The following ABLIM2 variants were observed in gnomAD, a reference collection of about 807,000 sequenced individuals.
ABLIM2 encodes actin-binding LIM protein 2.
In ABLIM2, 53 loss-of-function variants were observed where a neutral mutation model predicts 97.7. The observed-to-expected ratio is 0.54, with a 90% CI of 0.44 to 0.68. The LOEUF is 0.68. Ranked by LOEUF, ABLIM2 falls within the 30% of genes least tolerant of loss-of-function variation. The pLI is 0.00. For synonymous variants in ABLIM2, 361 were observed against 345.8 expected (o/e 1.04, Z -0.49); for missense variants, 835 against 867.2 (o/e 0.96, Z 0.47).
intron 6 of ABLIM2, among the ~76,000 whole-genome samples, chr4:8,074,499 A>T (rs1316230810): frequency 2.0e-5 from 3 of 152,142 alleles, no homozygotes; most frequent in Non-Finnish European, 4.4e-5. Context: ...CCACCTATCA[A>T]ATTGGCAAAG....
Position 8,082,312 on chromosome 4 carries a change from C to A in ABLIM2, c.455-1510G>T, listed in dbSNP as rs1339753291. On this transcript the variant is annotated intron_variant, in intron 4 of 20. Transcript: ENST00000447017. The surrounding 1 kb of genome is among the most constrained non-coding windows in gnomAD (Gnocchi z 5.6). ...ACTGAGCGTATTCCTCCTGCGGGAG[C>A]CCCCATTTCCTCATCGTGGGGTGGG... Among the ~76,000 whole-genome samples, 1 of 152,206 alleles carries A rather than the reference C, an allele frequency of 6.6e-6. No homozygotes were observed. Among genetic ancestry groups the A allele is most frequent in the Non-Finnish European group, 1.5e-5 (1 of 68,034 alleles).
intron 2 of ABLIM2, among the ~76,000 whole-genome samples, chr4:8,098,886 G>C (rs1050965937): frequency 2.0e-5 from 3 of 152,248 alleles, no homozygotes; most frequent in Admixed American, 2.0e-4. Flanking sequence ...CAAGGCCAGA[G>C]ATGCTGATTC....
chr4:8,019,687 G>C lies in ABLIM2; in HGVS notation c.1370-16C>G. ...ACGCCAGTGTCTGGGGAAGAAGAAA[G>C]AAAAAAAAGGAGAGAACAGGAGGGT... On this transcript the variant is annotated splice_polypyrimidine_tract_variant and intron_variant, in intron 13 of 20. Coordinates refer to ENST00000447017, the MANE Select transcript of ABLIM2 (RefSeq NM_001130083.2). The surrounding 1 kb of genome is among the most constrained non-coding windows in gnomAD (Gnocchi z 4.3). 6.2e-7 allele frequency: 1 copy of C among 1,600,240 alleles called. No individual in the cohort carries two copies.
intron 19 of ABLIM2, 62 bp from the exon 20 acceptor site, chr4:7,983,406 C>A: frequency 6.3e-7 from 1 of 1,586,020 alleles, no homozygotes; most frequent in Non-Finnish European, 8.6e-7. Flanking sequence ...CACCAAAGAA[C>A]TGAGCAGAAG....
At chr4:7,978,212 G>A (rs951080773) in intron 20 of ABLIM2, among the ~76,000 whole-genome samples, 1 of 152,152 alleles carries the variant, frequency 6.6e-6, no homozygotes, top group Non-Finnish European at 1.5e-5. Flanking sequence ...TCAGCCCGAG[G>A]CAGACAGGCA....
intron 10 of ABLIM2, among the ~76,000 whole-genome samples, chr4:8,035,050 G>T (rs1433210747): frequency 7.0e-6 from 1 of 143,754 alleles, no homozygotes; most frequent in Non-Finnish European, 1.5e-5. Context: ...GTGATGGGTG[G>T]TAGGTAGGTG....
intron 18 of ABLIM2, among the ~76,000 whole-genome samples, 169 bp downstream of exon 18, chr4:7,984,670 T>C (rs1742040675): frequency 6.6e-6 from 1 of 152,166 alleles, no homozygotes; most frequent in African/African-American, 2.4e-5. Context: ...AACTGACTTT[T>C]GGCCAGGAGA....
intron 1 of ABLIM2, among the ~76,000 whole-genome samples, chr4:8,136,847 G>C (rs1850261652): frequency 2.0e-5 from 3 of 152,246 alleles, no homozygotes; most frequent in African/African-American, 7.2e-5. Context: ...TCAGGCCTCA[G>C]GAAACCAAGT....
rs1723345636 is a variant in ABLIM2, at chr4:7,967,014, A to C, written c.1914T>G (p.Leu638=). 1 of 1,613,590 alleles carries C rather than the reference A, an allele frequency of 6.2e-7. No homozygotes were observed. Among genetic ancestry groups the C allele is most frequent in the African/African-American group, 1.3e-5 (1 of 74,926 alleles). The part of the protein sequence containing the change: ...DRLALWKRND[L]KKKALLF The stretch of plus-strand genomic sequence containing the variant: ...GTCAGAACAAAAGGGCTTTCTTCTT[A>C]AGGTCATTCCTCTTCCAGAGGGCCA... The change falls in exon 21 of 21, where the codon CTT becomes CTG. Residue 638 remains leucine, a synonymous_variant. Transcript: ENST00000447017.
Position 7,998,016 on chromosome 4 carries a change from G to A in ABLIM2, c.1619-5089C>T, listed in dbSNP as rs539181084. ...CCTGCCTCACCCTCCCTAGTAGCTGGGATTACAGGAATGTGCCACCATGCC... is the reference window on the plus strand; with the variant it reads ...CCTGCCTCACCCTCCCTAGTAGCTGAGATTACAGGAATGTGCCACCATGCC... On this transcript the variant is annotated intron_variant, in intron 16 of 20. Coordinates refer to ENST00000447017, the MANE Select transcript of ABLIM2 (RefSeq NM_001130083.2). The surrounding 1 kb of genome is among the most constrained non-coding windows in gnomAD (Gnocchi z 6.4). Among the ~76,000 whole-genome samples the A allele has an allele frequency of 1.3e-5, 2 of 151,992 alleles. No homozygotes were observed. Among genetic ancestry groups the A allele is most frequent in the South Asian group, 4.2e-4 (2 of 4,794 alleles).
chr4:8,029,707 G>T lies in ABLIM2; in HGVS notation c.1117C>A (p.Leu373Ile). ...SSPSSTGSVS[L>I]GRYTPTSRSP... Reference sequence around the variant, plus strand: ...CGTGAGGTCGGAGTGTAGCGCCCGAGGCTAACCGACCCAGTGGAGCTTGGG... The same window carrying T: ...CGTGAGGTCGGAGTGTAGCGCCCGATGCTAACCGACCCAGTGGAGCTTGGG... The change falls in exon 11 of 21, where the codon CTC becomes ATC. Residue 373 changes from leucine to isoleucine, a missense_variant. Leu to Ile is a conservative substitution (Grantham distance 5). Transcript: ENST00000447017. 6.4e-7 allele frequency: 1 copy of T among 1,552,218 alleles called. No individual in the cohort carries two copies.
At chr4:8,018,278 C>G (rs1770974500) in intron 14 of ABLIM2, among the ~76,000 whole-genome samples, 1 of 152,202 alleles carries the variant, frequency 6.6e-6, no homozygotes, top group South Asian at 2.1e-4. Flanking sequence ...GTAGCCCCAC[C>G]AGCACAGAAT....
rs568118987 is a variant in ABLIM2, at chr4:8,028,271, C to T, written c.1169-414G>A. Among the ~76,000 whole-genome samples the T allele has an allele frequency of 1.2e-4, 19 of 152,352 alleles. 1 individual carries two copies. The South Asian group carries it at 3.5e-3, about 28-fold the overall frequency. On this transcript the variant is annotated intron_variant, in intron 11 of 20. Transcript: ENST00000447017. ...GGCTCTTGGGTTAGCCTGGGCCAAGCGCAGTCAACAAGCCCAGGCTGTCCT... is the reference window on the plus strand; with the variant it reads ...GGCTCTTGGGTTAGCCTGGGCCAAGTGCAGTCAACAAGCCCAGGCTGTCCT...
At chr4:8,133,448 T>A (rs933742710) in intron 1 of ABLIM2, among the ~76,000 whole-genome samples, 2 of 152,126 alleles carry the variant, frequency 1.3e-5, no homozygotes, top group African/African-American at 2.4e-5. Flanking sequence ...CCGGTCCATA[T>A]CTCTCCTGGT....
Position 8,127,655 on chromosome 4 carries a change from A to G in ABLIM2, c.11-21018T>C, listed in dbSNP as rs13143332. On this transcript the variant is annotated intron_variant, in intron 1 of 20. Transcript: ENST00000447017. This position sits in a 1 kb window ranked among gnomAD's most constrained non-coding sequence, Gnocchi z 7.3. ...GCCTGGCACCCACGGAGGATCGGGC[A>G]GGAGTGGACCGGGGAAGAGCCTCTG... is the stretch of plus-strand genomic sequence containing the variant. 0.57 allele frequency: 738,113 copies of G among 1,283,976 alleles called. 215,270 individuals carry two copies. Among genetic ancestry groups the G allele is most frequent in the East Asian group, 0.63 (11,285 of 17,834 alleles). The allele number at this position is 1,283,976 out of a possible 1,614,324, so 79.5% of individuals were successfully genotyped here.
chr4:8,134,899 G>A (rs777753284), intron 1 of ABLIM2, among the ~76,000 whole-genome samples: 4 of 152,250 alleles, frequency 2.6e-5, no homozygotes, highest in Non-Finnish European at 4.4e-5. Flanking sequence ...ACATACGTGT[G>A]AGAATTTTCA....
intron 7 of ABLIM2, among the ~76,000 whole-genome samples, chr4:8,057,015 T>C (rs2152040278): frequency 6.6e-6 from 1 of 150,552 alleles, no homozygotes; most frequent in Non-Finnish European, 1.5e-5. Context: ...CTTTAAGGGC[T>C]ATACAATGTG....
At chr4:8,059,936 A>AC (rs1801883789) in intron 7 of ABLIM2, among the ~76,000 whole-genome samples, 1 of 136,704 alleles carries the variant, frequency 7.3e-6, no homozygotes, top group African/African-American at 2.6e-5. Context: ...AACCCCAAAA[A>AC]ACCCCAAAGC....
At position 8,020,242 on chromosome 4, in the gene ABLIM2, G is replaced by A. The variant is rs1772573834; in HGVS notation, c.1329C>T (p.Pro443=). 6.2e-7 allele frequency: 1 copy of A among 1,613,768 alleles called. No homozygotes were observed. Among genetic ancestry groups the A allele is most frequent in the Admixed American group, 1.7e-5 (1 of 59,996 alleles). Residue 443 remains proline, a synonymous_variant, in exon 13 of 21, where the codon CCC becomes CCT. Transcript: ENST00000447017. ...LSVLSDSKPP[P]STYQQAPRHF... ...GGCGAGGTGCCTGCTGGTAGGTGGA[G>A]GGGGGCGGCTTGCTGTCAGAGAGCA...
Sources: allele counts gnomAD v4.1 joint callset (sites outside exome capture counted in the v4.1 genomes callset), GRCh38; gene constraint gnomAD v4.1.1; non-coding constraint Gnocchi (gnomAD v3.1); transcripts MANE v1.5; gene names NCBI Gene and HGNC (gene_info 2026-07-23, HGNC 2026-07-21).